PRKN: variants seen among roughly 807,000 people sequenced by gnomAD.
The protein encoded by PRKN is E3 ubiquitin-protein ligase parkin.
In PRKN, 56 loss-of-function variants were observed where a neutral mutation model predicts 59.5. That is an observed-to-expected ratio of 0.94 (90% CI 0.76 to 1.18). PRKN has a LOEUF of 1.18. PRKN is among the 50% of genes most tolerant of loss of function. The probability of loss-of-function intolerance (pLI) is 0.00; values close to 1 mark genes in which losing one functional copy is unlikely to be tolerated. For missense variants in PRKN, 657 were observed against 596.4 expected (o/e 1.10, Z -1.06); for synonymous variants, 250 against 222.1 (o/e 1.13, Z -1.12).
chr6:162,702,229 G>T (rs576118987), intron 1 of PRKN, among the ~76,000 whole-genome samples: 1 of 152,126 alleles, frequency 6.6e-6, no homozygotes, highest in African/African-American at 2.4e-5. Context: ...TGAAATCAAT[G>T]TTTTCAGATA....
Position 161,658,740 on chromosome 6 carries a change from G to A in PRKN, c.872-89324C>T, listed in dbSNP as rs76773722. ...AAAAATTCACTGAGGAAGGGAATGC[G>A]ATATTCTATGATACTCACAGCATAC... On this transcript the variant is annotated intron_variant, in intron 7 of 11. Coordinates refer to ENST00000366898, the MANE Select transcript of PRKN (RefSeq NM_004562.3). 8.1e-3 allele frequency among the ~76,000 whole-genome samples: 1,232 copies of A among 152,298 alleles called. 27 individuals are homozygous for A. The highest frequency in any genetic ancestry group is 0.028 in the African/African-American group (1,174 of 41,556).
At chr6:162,651,655 AAGATCCTC>A (rs2128226634) in intron 1 of PRKN, among the ~76,000 whole-genome samples, 1 of 152,264 alleles carries the variant, frequency 6.6e-6, no homozygotes, top group Non-Finnish European at 1.5e-5. Flanking sequence ...TCACACTGAC[AAGATCCTC>A]AATATATGCC....
intron 4 of PRKN, among the ~76,000 whole-genome samples, chr6:162,116,185 A>T (rs1302677879): frequency 2.6e-5 from 4 of 152,204 alleles, no homozygotes. Flanking sequence ...TACTTGATTT[A>T]ACAAGCTTTT....
At chr6:161,892,173 C>A (rs1216224910) in intron 6 of PRKN, among the ~76,000 whole-genome samples, 1 of 152,068 alleles carries the variant, frequency 6.6e-6, no homozygotes, top group Non-Finnish European at 1.5e-5. Context: ...GGGGCTCATG[C>A]CTATAATCCC....
At chr6:161,431,144 A>AAAG (rs1355077700) in intron 9 of PRKN, among the ~76,000 whole-genome samples, 2 of 151,836 alleles carry the variant, frequency 1.3e-5, no homozygotes, top group East Asian at 3.9e-4. Context: ...GTCTCAAAAA[A>AAAG]AAAAAAAAGA....
rs115150364 is a variant in PRKN at position 161,979,566 on chromosome 6, G to A, written c.619-6149C>T. ...TGGGAAAACAGGCAAGAGCCACTGC[G>A]CCCGGACCGTTTTCCACTTCATTAG... On this transcript the variant is annotated intron_variant, in intron 5 of 11. Coordinates refer to ENST00000366898, the MANE Select transcript of PRKN (RefSeq NM_004562.3). Among the ~76,000 whole-genome samples the A allele has an allele frequency of 6.4e-3, 980 of 152,230 alleles. 9 individuals are homozygous for A. The highest frequency in any genetic ancestry group is 0.023 in the African/African-American group (936 of 41,524).
At chr6:161,531,896 T>C (rs971007287) in intron 9 of PRKN, among the ~76,000 whole-genome samples, 1 of 152,126 alleles carries the variant, frequency 6.6e-6, no homozygotes, top group Non-Finnish European at 1.5e-5. Context: ...TTTGGAACTG[T>C]TACAATGGAT....
intron 8 of PRKN, among the ~76,000 whole-genome samples, chr6:161,558,224 C>T (rs1302454809): frequency 6.6e-6 from 1 of 152,078 alleles, no homozygotes. Flanking sequence ...CAAGACCACG[C>T]TTTCCACAAT....
At chr6:162,491,450 C>T (rs558477393) in intron 1 of PRKN, among the ~76,000 whole-genome samples, 3 of 152,306 alleles carry the variant, frequency 2.0e-5, no homozygotes, top group Non-Finnish European at 2.9e-5. Flanking sequence ...GTGTGCGTGA[C>T]GACGTCACCC....
At chr6:161,989,192 G>A (rs919557774) in intron 5 of PRKN, among the ~76,000 whole-genome samples, 1 of 152,156 alleles carries the variant, frequency 6.6e-6, no homozygotes, top group Non-Finnish European at 1.5e-5. Context: ...TTAAATTGAT[G>A]GATATGTGAA....
chr6:162,488,061 G>GT (rs1792637265), intron 1 of PRKN, among the ~76,000 whole-genome samples: 1 of 144,578 alleles, frequency 6.9e-6, no homozygotes, highest in South Asian at 2.2e-4. Context: ...TTGGCGGAGG[G>GT]TTAAACACTC....
At chr6:162,416,022 A>G (rs1188159125) in intron 2 of PRKN, among the ~76,000 whole-genome samples, 3 of 152,134 alleles carry the variant, frequency 2.0e-5, no homozygotes, top group African/African-American at 7.2e-5. Flanking sequence ...GATGTCTTTA[A>G]ATCAGGCATG....
At chr6:161,811,660 C>T (rs1791566756) in intron 6 of PRKN, among the ~76,000 whole-genome samples, 1 of 152,172 alleles carries the variant, frequency 6.6e-6, no homozygotes, top group Admixed American at 6.5e-5. Flanking sequence ...CGGTGGCTCA[C>T]ACCTGTAATC....
At chr6:162,556,866 C>T (rs1779628617) in intron 1 of PRKN, among the ~76,000 whole-genome samples, 1 of 151,970 alleles carries the variant, frequency 6.6e-6, no homozygotes, top group Non-Finnish European at 1.5e-5. Flanking sequence ...CAGCAGAGGG[C>T]AAGGCAGCAC....
intron 1 of PRKN, among the ~76,000 whole-genome samples, chr6:162,677,848 G>A (rs1037277730): frequency 3.9e-5 from 6 of 152,088 alleles, no homozygotes; most frequent in African/African-American, 9.7e-5. Flanking sequence ...TATTTAATGT[G>A]TACAATTTGA....
chr6:162,215,774 G>A (rs11967000), intron 3 of PRKN, among the ~76,000 whole-genome samples: 11,899 of 152,110 alleles, frequency 0.078, 599 homozygotes, highest in African/African-American at 0.14. Context: ...CAGGCCGGGC[G>A]GTGGCTCACA....
At position 162,569,238 on chromosome 6, in the gene PRKN, CTG is replaced by C. The variant is rs1037759144; in HGVS notation, c.8-125767_8-125766del. The C allele has an allele frequency of 1.1e-4, 65 of 577,728 alleles. 1 individual carries two copies. The highest frequency in any genetic ancestry group is 7.3e-4 in the South Asian group (45 of 61,888). The allele number at this position is 577,728 out of a possible 1,614,324, so 35.8% of individuals were successfully genotyped here. ...AACATCAGCCAGCCCCAGGCTGAGA[CTG>C]AGGGCCTCAAAAGCCAGAGGGCTTC... is the stretch of plus-strand genomic sequence containing the variant. On this transcript the variant is annotated intron_variant, in intron 1 of 11. Transcript: ENST00000366898.
At chr6:162,438,699 G>A (rs7771086) in intron 2 of PRKN, among the ~76,000 whole-genome samples, 17,735 of 152,054 alleles carry the variant, frequency 0.12, 1,413 homozygotes, top group African/African-American at 0.23. Context: ...TATTTCTCTG[G>A]CTTCTTTCAA....
intron 2 of PRKN, among the ~76,000 whole-genome samples, chr6:162,308,224 G>A (rs76911195): frequency 0.026 from 3,952 of 152,212 alleles, 158 homozygotes; most frequent in African/African-American, 0.087. Context: ...TGCAGCCACT[G>A]TGGCATATTC....
Sources: gnomAD v4.1 joint callset for allele counts (sites outside exome capture counted in the v4.1 genomes callset) on GRCh38, gnomAD v4.1.1 for gene constraint, MANE v1.5 for transcripts, NCBI Gene and HGNC (gene_info 2026-07-23, HGNC 2026-07-21) for gene names.